The following CDS1 variants were observed in gnomAD, a reference collection of about 807,000 sequenced individuals.
CDS1 encodes CDP-diacylglycerol synthase 1.
In CDS1, 41 loss-of-function variants were observed where a neutral mutation model predicts 62.1. The ratio of observed to expected loss-of-function variants is 0.66; its 90% CI spans 0.51 to 0.86. The LOEUF is 0.86. Among genes scored for constraint, CDS1 ranks in the 40% least tolerant of loss-of-function variants. The pLI is 0.00. For synonymous variants in CDS1, 185 were observed against 192.6 expected (o/e 0.96, Z 0.32); for missense variants, 470 against 550.1 (o/e 0.85, Z 1.46).
intron 1 of CDS1, among the ~76,000 whole-genome samples, chr4:84,585,909 C>T (rs1722402613): frequency 6.6e-6 from 1 of 152,116 alleles, no homozygotes. Context: ...CTGTACAAGG[C>T]TCATTGTTAG....
intron 9 of CDS1, 91 bp downstream of exon 9, chr4:84,639,083 A>C: frequency 2.0e-6 from 1 of 491,990 alleles, no homozygotes. Flanking sequence ...AAATTAAACC[A>C]CAAAATGCTA....
At chr4:84,633,807 G>T (rs1724094303) in intron 6 of CDS1, 50 bp from the exon 7 acceptor site, 1 of 1,224,550 alleles carries the variant, frequency 8.2e-7, no homozygotes, top group African/African-American at 1.5e-5. Flanking sequence ...TTCTTCAGCT[G>T]CACTGATCAG....
chr4:84,626,215 C>T (rs375297693), intron 5 of CDS1, among the ~76,000 whole-genome samples: 1 of 151,884 alleles, frequency 6.6e-6, no homozygotes, highest in Non-Finnish European at 1.5e-5. Flanking sequence ...ATAAAAATAC[C>T]ACAGGCTGAT....
rs774171926 is a variant in CDS1, at chr4:84,589,809, T to TTTTTG, written c.117+6307_117+6311dup. Among the ~76,000 whole-genome samples, 39 of 152,192 alleles carry TTTTTG rather than the reference T, an allele frequency of 2.6e-4. No individual in the cohort carries two copies. The East Asian group carries it at 4.1e-3, about 16-fold the overall frequency. On this transcript the variant is annotated intron_variant, in intron 1 of 12. Transcript: ENST00000295887. ...TGGAAGTTTGGTTTAAGGCAGGTCT[T>TTTTTG]TTTTGTTTTGTTTTGTTTTGAGACG... is the stretch of plus-strand genomic sequence containing the variant.
At position 84,642,281 on chromosome 4, in the gene CDS1, G is replaced by A. The variant is rs528556252; in HGVS notation, c.1033-743G>A. Among the ~76,000 whole-genome samples, 36 of 150,262 alleles carry A rather than the reference G, an allele frequency of 2.4e-4. No individual in the cohort carries two copies. The East Asian group carries it at 6.7e-3, about 28-fold the overall frequency. On this transcript the variant is annotated intron_variant, in intron 10 of 12. Transcript: ENST00000295887. ...GCGGAGGTTGCGGTGAGCCGAGATTGCACCATTGCACTCTAGCCTGGGCAA... is the reference window on the plus strand; with the variant it reads ...GCGGAGGTTGCGGTGAGCCGAGATTACACCATTGCACTCTAGCCTGGGCAA...
At chr4:84,608,929 AGCACTTT>A (rs1182998872) in intron 2 of CDS1, among the ~76,000 whole-genome samples, 2 of 151,994 alleles carry the variant, frequency 1.3e-5, no homozygotes, top group Admixed American at 6.6e-5. Context: ...CTGTAATCCC[AGCACTTT>A]GGGAGGCCGA....
intron 2 of CDS1, among the ~76,000 whole-genome samples, chr4:84,608,420 C>T (rs1723202146): frequency 6.6e-6 from 1 of 152,124 alleles, no homozygotes; most frequent in Non-Finnish European, 1.5e-5. Context: ...GTGATCTGCC[C>T]ACCTCGGCCT....
At position 84,640,885 on chromosome 4, in the gene CDS1, A is replaced by G. The variant is rs1409508957; in HGVS notation, c.927A>G (p.Glu309=). Reference sequence around the variant, plus strand: ...ACCAGTACTTTGTCTGCCCAGTGGAATACCGAAGTGATGTAAACTCCTTCG... The same window carrying G: ...ACCAGTACTTTGTCTGCCCAGTGGAGTACCGAAGTGATGTAAACTCCTTCG... ...SKYQYFVCPV[E]YRSDVNSFVT... Residue 309 remains glutamate, a synonymous_variant, in exon 10 of 13, where the codon GAA becomes GAG. Transcript: ENST00000295887. 1 of 1,610,868 alleles carries G rather than the reference A, an allele frequency of 6.2e-7. No individual in the cohort carries two copies.
At chr4:84,585,294 C>G (rs891684179) in intron 1 of CDS1, among the ~76,000 whole-genome samples, 15 of 152,224 alleles carry the variant, frequency 9.9e-5, no homozygotes, top group African/African-American at 3.4e-4. Context: ...GTAGACTTTG[C>G]TATATGTAAC....
At chr4:84,616,583 T>C (rs200314951) in intron 3 of CDS1, among the ~76,000 whole-genome samples, 2 of 152,188 alleles carry the variant, frequency 1.3e-5, no homozygotes, top group Non-Finnish European at 2.9e-5. Flanking sequence ...CTTTAAAAAA[T>C]ATAAAAATCC....
At chr4:84,603,702 T>C (rs1723006562) in intron 1 of CDS1, among the ~76,000 whole-genome samples, 1 of 152,320 alleles carries the variant, frequency 6.6e-6, no homozygotes, top group African/African-American at 2.4e-5. Flanking sequence ...CACCAAATGC[T>C]GTTGATCATA....
In CDS1 at chr4:84,610,534, C is replaced by A. The variant is rs1477967849; in HGVS notation, c.342+1009C>A. On this transcript the variant is annotated intron_variant, in intron 3 of 12. Coordinates refer to ENST00000295887, the MANE Select transcript of CDS1 (RefSeq NM_001263.4). Reference sequence around the variant, plus strand: ...TCCAAGATGCCTGCTATATGCCAGGCATTACGTTAGTTCTAGGGATGATAC... The same window carrying A: ...TCCAAGATGCCTGCTATATGCCAGGAATTACGTTAGTTCTAGGGATGATAC... 2.6e-5 allele frequency among the ~76,000 whole-genome samples: 4 copies of A among 152,200 alleles called. No homozygotes were observed. The East Asian group carries it at 7.7e-4, about 29-fold the overall frequency.
At chr4:84,629,002 A>C (rs1244297802) in intron 5 of CDS1, among the ~76,000 whole-genome samples, 1 of 152,200 alleles carries the variant, frequency 6.6e-6, no homozygotes, top group Non-Finnish European at 1.5e-5. Context: ...ACTTTTATAT[A>C]AAGAACTATA....
chr4:84,602,507 G>A (rs576607557), intron 1 of CDS1, among the ~76,000 whole-genome samples: 1 of 152,112 alleles, frequency 6.6e-6, no homozygotes, highest in East Asian at 1.9e-4. Flanking sequence ...TTTGCTGTTT[G>A]TCTCACTGCT....
chr4:84,603,359 G>C (rs907194654), intron 1 of CDS1, among the ~76,000 whole-genome samples: 1 of 152,140 alleles, frequency 6.6e-6, no homozygotes, highest in Non-Finnish European at 1.5e-5. Flanking sequence ...TCCTCTGTAA[G>C]CCATTCTCCC....
chr4:84,631,732 A>C, intron 5 of CDS1, 87 bp from the exon 6 acceptor site: 1 of 1,021,554 alleles, frequency 9.8e-7, no homozygotes, highest in South Asian at 1.3e-5. Flanking sequence ...TAGCTGTGAT[A>C]CAGCAAATTG....
At chr4:84,601,710 C>T (rs1409960737) in intron 1 of CDS1, among the ~76,000 whole-genome samples, 6 of 151,964 alleles carry the variant, frequency 3.9e-5, no homozygotes, top group East Asian at 3.9e-4. Context: ...GTCAGGAGTT[C>T]GAGACTAGCC....
chr4:84,604,488 A>G, intron 2 of CDS1, 118 bp downstream of exon 2: 2 of 858,134 alleles, frequency 2.3e-6, no homozygotes, highest in East Asian at 2.5e-5. Flanking sequence ...TAGGTGGTCA[A>G]AAAGGCCACC....
At chr4:84,613,922 C>T (rs1273783478) in intron 3 of CDS1, among the ~76,000 whole-genome samples, 1 of 152,076 alleles carries the variant, frequency 6.6e-6, no homozygotes, top group Non-Finnish European at 1.5e-5. Context: ...GAGTTGTATA[C>T]GTGTGATCAA....
Sources: gnomAD v4.1 joint callset for allele counts (sites outside exome capture counted in the v4.1 genomes callset) on GRCh38, gnomAD v4.1.1 for gene constraint, MANE v1.5 for transcripts, NCBI Gene and HGNC (gene_info 2026-07-23, HGNC 2026-07-21) for gene names.